The following MSTO1 variants were observed in gnomAD, a reference collection of about 807,000 sequenced individuals.
MSTO1 encodes protein misato homolog 1.
A neutral mutation model predicts 55.7 loss-of-function variants in MSTO1; 24 were observed. The observed-to-expected ratio is 0.43, with a 90% CI of 0.31 to 0.61. The LOEUF is 0.61. MSTO1 is among the 20% of genes least tolerant of loss of function. The pLI is 0.09. For synonymous variants in MSTO1, 162 were observed against 252.8 expected (o/e 0.64, Z 3.41); for missense variants, 363 against 625.7 (o/e 0.58, Z 4.48).
the MSTO1 span, among the ~76,000 whole-genome samples, chr1:155,567,732 G>T: frequency 6.6e-6 from 1 of 150,482 alleles, no homozygotes; most frequent in Non-Finnish European, 1.5e-5. Flanking sequence ...ACTGTGCCTC[G>T]CCAAGAGCCA....
rs2148992270 is a variant in MSTO1, at chr1:155,612,584, C to T, written c.966+14C>T. 1.2e-6 allele frequency: 2 copies of T among 1,601,420 alleles called. No individual in the cohort carries two copies. The highest frequency in any genetic ancestry group is 4.5e-5 in the East Asian group (2 of 44,720). On this transcript the variant is annotated intron_variant, in intron 9 of 13. Transcript: ENST00000245564. The stretch of plus-strand genomic sequence containing the variant: ...CTGCATTATGATGTAAGTCTCGGTG[C>T]TCTTGTTCTGACTGCGGCAGGCTAC...
chr1:155,577,785 C>A, the MSTO1 span, among the ~76,000 whole-genome samples: 1 of 152,212 alleles, frequency 6.6e-6, no homozygotes, highest in Admixed American at 6.6e-5. Flanking sequence ...ACTGTGTCAC[C>A]CAGGTTGGAG....
upstream of MSTO1, among the ~76,000 whole-genome samples, chr1:155,608,553 G>A (rs1673047389): frequency 6.8e-6 from 1 of 146,000 alleles, no homozygotes; most frequent in Non-Finnish European, 1.5e-5. Flanking sequence ...AAGGTGGAGT[G>A]CAGTGGCGCG....
At chr1:155,573,864 A>C in the MSTO1 span, among the ~76,000 whole-genome samples, 1 of 151,118 alleles carries the variant, frequency 6.6e-6, no homozygotes, top group Admixed American at 6.6e-5. Flanking sequence ...AAAAAATTAC[A>C]AACTGTACCC....
chr1:155,575,468 G>T, the MSTO1 span, among the ~76,000 whole-genome samples: 2 of 151,780 alleles, frequency 1.3e-5, no homozygotes, highest in Non-Finnish European at 2.9e-5. Context: ...TTGAGTCAGG[G>T]TCTCACTCTG....
chr1:155,564,828 A>C, the MSTO1 span, among the ~76,000 whole-genome samples: 1 of 152,216 alleles, frequency 6.6e-6, no homozygotes, highest in African/African-American at 2.4e-5. Flanking sequence ...AGTCACAGAA[A>C]TATTGAAATG....
the MSTO1 span, among the ~76,000 whole-genome samples, chr1:155,600,826 G>A: frequency 6.6e-6 from 1 of 151,932 alleles, no homozygotes; most frequent in Non-Finnish European, 1.5e-5. Flanking sequence ...AAAGTCACCT[G>A]CCACCACGCC....
chr1:155,570,762 CTG>C, the MSTO1 span, among the ~76,000 whole-genome samples: 1 of 151,844 alleles, frequency 6.6e-6, no homozygotes, highest in Non-Finnish European at 1.5e-5. Flanking sequence ...TAGGAAAAAA[CTG>C]TGTGTGTGTG....
chr1:155,577,944 C>G, the MSTO1 span, among the ~76,000 whole-genome samples: 2 of 152,168 alleles, frequency 1.3e-5, no homozygotes, highest in Non-Finnish European at 2.9e-5. Flanking sequence ...GGAGTTTCAC[C>G]CTGTTGCCCA....
the MSTO1 span, among the ~76,000 whole-genome samples, chr1:155,588,815 ATTT>A: frequency 6.6e-6 from 1 of 152,176 alleles, no homozygotes; most frequent in African/African-American, 2.4e-5. Flanking sequence ...TCAGCTGATT[ATTT>A]AATTACAGAT....
chr1:155,608,294 G>T (rs948976442), upstream of MSTO1, among the ~76,000 whole-genome samples: 2 of 152,086 alleles, frequency 1.3e-5, no homozygotes, highest in Non-Finnish European at 2.9e-5. Flanking sequence ...CTCTGGTTAG[G>T]ACTACAGATG....
At chr1:155,601,095 A>G in the MSTO1 span, among the ~76,000 whole-genome samples, 1 of 148,360 alleles carries the variant, frequency 6.7e-6, no homozygotes, top group African/African-American at 2.5e-5. Flanking sequence ...CTGGGATTAT[A>G]GGCTTGAGCC....
the MSTO1 span, among the ~76,000 whole-genome samples, chr1:155,604,280 T>C: frequency 1.3e-5 from 2 of 152,280 alleles, no homozygotes; most frequent in Admixed American, 1.3e-4. Context: ...CTGAATGTAC[T>C]TTCTTTTCAA....
chr1:155,585,441 T>C, the MSTO1 span, among the ~76,000 whole-genome samples: 9 of 150,718 alleles, frequency 6.0e-5, no homozygotes, highest in South Asian at 1.9e-3. Flanking sequence ...GAGAATTGCT[T>C]GAACCCGGGA....
chr1:155,609,494 C>T (rs1395367591), upstream of MSTO1, among the ~76,000 whole-genome samples: 3 of 149,108 alleles, frequency 2.0e-5, no homozygotes, highest in Non-Finnish European at 4.5e-5. Context: ...GTGATCTGCC[C>T]GCCTCAGCCT....
the MSTO1 span, chr1:155,591,409 C>G: frequency 3.1e-6 from 2 of 647,628 alleles, no homozygotes; most frequent in Non-Finnish European, 5.3e-6. Context: ...TGGAACTGTA[C>G]AGAGGCAATA....
the MSTO1 span, among the ~76,000 whole-genome samples, chr1:155,587,753 A>C: frequency 6.6e-6 from 1 of 151,954 alleles, no homozygotes; most frequent in Admixed American, 6.6e-5. Context: ...CAGAAAAAAA[A>C]AAAAAAAAAA....
chr1:155,580,735 A>G, the MSTO1 span, among the ~76,000 whole-genome samples: 1 of 152,024 alleles, frequency 6.6e-6, no homozygotes, highest in African/African-American at 2.4e-5. Flanking sequence ...CCTGGGCAAC[A>G]TGGTGAAACC....
upstream of MSTO1, among the ~76,000 whole-genome samples, chr1:155,609,239 A>ATTTTTTTTT (rs1323065032): frequency 3.7e-5 from 1 of 27,250 alleles, no homozygotes; most frequent in Non-Finnish European, 7.6e-5. Flanking sequence ...ATATATATAT[A>ATTTTTTTTT]TATATTTTTT....
Sources: allele counts gnomAD v4.1 joint callset (sites outside exome capture counted in the v4.1 genomes callset), GRCh38; gene constraint gnomAD v4.1.1; transcripts MANE v1.5; gene names NCBI Gene and HGNC (gene_info 2026-07-23, HGNC 2026-07-21).